BICC1: variants seen among roughly 807,000 people sequenced by gnomAD.
BICC1 encodes the protein protein bicaudal C homolog 1.
BICC1 carries 43 observed loss-of-function variants against 111.0 expected under a neutral mutation model. The observed-to-expected ratio is 0.39, with a 90% CI of 0.30 to 0.50. The LOEUF (loss-of-function observed/expected upper bound fraction) is 0.50. BICC1 is among the 20% of genes least tolerant of loss of function. BICC1 has a pLI of 0.88. For synonymous variants in BICC1, 467 were observed against 434.4 expected (o/e 1.07, Z -0.93); for missense variants, 1,091 against 1,203.2 (o/e 0.91, Z 1.38).
chr10:58,634,243 C>T (rs923012060), intron 2 of BICC1, among the ~76,000 whole-genome samples: 3 of 152,056 alleles, frequency 2.0e-5, no homozygotes, highest in African/African-American at 4.8e-5. Flanking sequence ...TCCACCGCCT[C>T]GGCCTGCCAA....
At chr10:58,820,151 GT>G (rs1475441357) in intron 19 of BICC1, among the ~76,000 whole-genome samples, 1 of 152,018 alleles carries the variant, frequency 6.6e-6, no homozygotes, top group African/African-American at 2.4e-5. Context: ...TCTTGCTATA[GT>G]TGCCGGGTTG....
intron 2 of BICC1, among the ~76,000 whole-genome samples, chr10:58,678,388 G>A (rs1295848948): frequency 6.6e-6 from 1 of 152,118 alleles, no homozygotes; most frequent in African/African-American, 2.4e-5. Context: ...AAAAGCAGGG[G>A]TTGCAATTCT....
At chr10:58,770,061 GGT>G (rs1303844909) in intron 3 of BICC1, among the ~76,000 whole-genome samples, 4 of 151,962 alleles carry the variant, frequency 2.6e-5, no homozygotes, top group Admixed American at 6.6e-5. Context: ...TATAAATTTC[GGT>G]GTAATCTTTT....
At chr10:58,517,884 T>C (rs1364828891) in intron 1 of BICC1, among the ~76,000 whole-genome samples, 1 of 152,230 alleles carries the variant, frequency 6.6e-6, no homozygotes, top group East Asian at 1.9e-4. Flanking sequence ...TAAATCATTA[T>C]GTATAAAATG....
At chr10:58,706,751 C>G (rs555032362) in intron 3 of BICC1, among the ~76,000 whole-genome samples, 1 of 152,176 alleles carries the variant, frequency 6.6e-6, no homozygotes, top group Non-Finnish European at 1.5e-5. Context: ...TAAGATGTGC[C>G]TGCTTTCCCT....
At chr10:58,744,044 A>C (rs1184348884) in intron 3 of BICC1, among the ~76,000 whole-genome samples, 1 of 152,174 alleles carries the variant, frequency 6.6e-6, no homozygotes, top group East Asian at 1.9e-4. Flanking sequence ...CTAAGGCAGA[A>C]GAAGTTAGCT....
At chr10:58,805,261 C>T (rs1009865407) in intron 15 of BICC1, among the ~76,000 whole-genome samples, 18 of 152,072 alleles carry the variant, frequency 1.2e-4, no homozygotes, top group South Asian at 4.2e-4. Flanking sequence ...CCACTGCACT[C>T]CAGCCTGGGC....
At chr10:58,744,318 G>T (rs182870145) in intron 3 of BICC1, among the ~76,000 whole-genome samples, 1 of 151,984 alleles carries the variant, frequency 6.6e-6, no homozygotes, top group African/African-American at 2.4e-5. Context: ...TAGTTAAAAA[G>T]CTCTCTCAGT....
At chr10:58,758,230 C>T (rs981338591) in intron 3 of BICC1, among the ~76,000 whole-genome samples, 1 of 152,004 alleles carries the variant, frequency 6.6e-6, no homozygotes, top group Non-Finnish European at 1.5e-5. Flanking sequence ...GAATATAATC[C>T]ATTCATAAGT....
At chr10:58,708,737 C>A (rs781110057) in intron 3 of BICC1, among the ~76,000 whole-genome samples, 2 of 152,070 alleles carry the variant, frequency 1.3e-5, no homozygotes, top group Non-Finnish European at 2.9e-5. Context: ...TTACTGTGCA[C>A]GTGGTTGACA....
At chr10:58,660,474 C>T (rs1409327110) in intron 2 of BICC1, among the ~76,000 whole-genome samples, 1 of 151,554 alleles carries the variant, frequency 6.6e-6, no homozygotes, top group Non-Finnish European at 1.5e-5. Flanking sequence ...AAAGTTCATT[C>T]CTTAACCCAT....
chr10:58,530,160 C>T (rs776602314), intron 1 of BICC1, among the ~76,000 whole-genome samples: 5 of 151,566 alleles, frequency 3.3e-5, no homozygotes, highest in African/African-American at 9.7e-5. Context: ...AAGGAGATCA[C>T]GTAGAGTAAG....
chr10:58,673,339 A>G (rs1231549275), intron 2 of BICC1, among the ~76,000 whole-genome samples: 1 of 152,124 alleles, frequency 6.6e-6, no homozygotes, highest in Non-Finnish European at 1.5e-5. Context: ...CAGTTCCAAT[A>G]TTTATTCAGG....
chr10:58,527,145 T>C (rs532221955), intron 1 of BICC1, among the ~76,000 whole-genome samples: 1 of 152,314 alleles, frequency 6.6e-6, no homozygotes, highest in Non-Finnish European at 1.5e-5. Context: ...TGGTATCTCA[T>C]TGTGGTTTTG....
At chr10:58,760,079 A>C (rs1842268191) in intron 3 of BICC1, among the ~76,000 whole-genome samples, 2 of 152,050 alleles carry the variant, frequency 1.3e-5, no homozygotes. Flanking sequence ...GCGCGTTTTA[A>C]GCAAATGTGT....
At chr10:58,672,573 T>C (rs936011623) in intron 2 of BICC1, among the ~76,000 whole-genome samples, 5 of 152,194 alleles carry the variant, frequency 3.3e-5, no homozygotes, top group African/African-American at 1.2e-4. Flanking sequence ...AAATTTTTCA[T>C]GACACTTAAC....
At chr10:58,616,941 G>A (rs983917752) in intron 1 of BICC1, among the ~76,000 whole-genome samples, 8 of 152,118 alleles carry the variant, frequency 5.3e-5, no homozygotes, top group South Asian at 2.1e-4. Flanking sequence ...AAGATGGTGC[G>A]GCTGAGACCA....
chr10:58,582,470 T>C (rs2132014933), intron 1 of BICC1, among the ~76,000 whole-genome samples: 1 of 152,334 alleles, frequency 6.6e-6, no homozygotes, highest in East Asian at 1.9e-4. Context: ...TTCCAGTTTA[T>C]ATTCTCTGTA....
intron 2 of BICC1, among the ~76,000 whole-genome samples, chr10:58,676,091 C>G (rs1324857325): frequency 6.6e-6 from 1 of 152,138 alleles, no homozygotes. Flanking sequence ...TGCTATCTGG[C>G]CCAGATACTA....
Sources: gnomAD v4.1 joint callset for allele counts (sites outside exome capture counted in the v4.1 genomes callset) on GRCh38, gnomAD v4.1.1 for gene constraint, MANE v1.5 for transcripts, NCBI Gene and HGNC (gene_info 2026-07-23, HGNC 2026-07-21) for gene names.